The following RAPGEF5 variants were observed in gnomAD, a reference collection of about 807,000 sequenced individuals.
The protein encoded by RAPGEF5 is M-Ras-regulated GEF.
Under a neutral mutation model 125.2 loss-of-function variants are expected in RAPGEF5, and 65 were observed. The observed-to-expected ratio is 0.52, with a 90% CI of 0.43 to 0.64. The LOEUF (loss-of-function observed/expected upper bound fraction) is 0.64. RAPGEF5 is among the 30% of genes least tolerant of loss of function. The pLI, the probability that RAPGEF5 is intolerant of heterozygous loss-of-function variation, is 0.00. For synonymous variants in RAPGEF5, 391 were observed against 385.9 expected (o/e 1.01, Z -0.16); for missense variants, 958 against 1,048.1 (o/e 0.91, Z 1.19).
chr7:22,211,137 G>A (rs536823925), intron 9 of RAPGEF5, among the ~76,000 whole-genome samples: 1 of 152,182 alleles, frequency 6.6e-6, no homozygotes, highest in East Asian at 1.9e-4. Flanking sequence ...ACAACATTTA[G>A]GACTGCTGGA....
chr7:22,338,798 A>G (rs1784072076), intron 1 of RAPGEF5, among the ~76,000 whole-genome samples: 1 of 152,246 alleles, frequency 6.6e-6, no homozygotes, highest in Admixed American at 6.5e-5. Context: ...ACATACACAC[A>G]GAGCTGCTGT....
chr7:22,160,561 C>G lies in RAPGEF5; in HGVS notation c.1483G>C (p.Glu495Gln). ...AGTATCTTTTGAAATTCTTTCAATT[C>G]TTTTTCAAGTATTGGATATTCATAA... ...DVYEYPILEKELKEFQKILGM... is the reference protein window; with the variant it reads ...DVYEYPILEKQLKEFQKILGM... The change falls in exon 14 of 26, where the codon GAA (glutamate) becomes CAA (glutamine). Residue 495 changes from glutamate (E) to glutamine (Q), a missense_variant. Coordinates refer to ENST00000665637, the MANE Select transcript of RAPGEF5 (RefSeq NM_012294.5). The G allele has an allele frequency of 6.5e-7, 1 of 1,548,492 alleles. No homozygotes were observed. Among genetic ancestry groups the G allele is most frequent in the Non-Finnish European group, 8.7e-7 (1 of 1,146,500 alleles).
intron 1 of RAPGEF5, among the ~76,000 whole-genome samples, chr7:22,336,951 A>C (rs139400331): frequency 8.3e-4 from 127 of 152,332 alleles, no homozygotes; most frequent in Middle Eastern, 3.4e-3. Flanking sequence ...GGATATCTTG[A>C]GAAAGGGCTT....
At chr7:22,132,831 C>T (rs960869574) in intron 23 of RAPGEF5, among the ~76,000 whole-genome samples, 6 of 152,146 alleles carry the variant, frequency 3.9e-5, no homozygotes, top group African/African-American at 1.4e-4. Context: ...TGCATTAACT[C>T]ATAAGGTAAA....
intron 3 of RAPGEF5, among the ~76,000 whole-genome samples, chr7:22,314,882 T>C (rs1335749459): frequency 6.6e-6 from 1 of 152,142 alleles, no homozygotes; most frequent in Non-Finnish European, 1.5e-5. Flanking sequence ...TACTCTCATA[T>C]CTCTGTCAAG....
chr7:22,248,695 G>A (rs1182067725), intron 7 of RAPGEF5, among the ~76,000 whole-genome samples: 1 of 152,184 alleles, frequency 6.6e-6, no homozygotes, highest in African/African-American at 2.4e-5. Context: ...ATAAACGCGT[G>A]TCTGCTCTGT....
At chr7:22,210,212 C>A (rs1785478305) in intron 9 of RAPGEF5, among the ~76,000 whole-genome samples, 1 of 152,146 alleles carries the variant, frequency 6.6e-6, no homozygotes, top group South Asian at 2.1e-4. Context: ...TTTGTAATAA[C>A]AATAAGTTGA....
chr7:22,344,757 CT>C (rs1187974528), intron 1 of RAPGEF5, among the ~76,000 whole-genome samples: 1 of 152,246 alleles, frequency 6.6e-6, no homozygotes, highest in Non-Finnish European at 1.5e-5. Context: ...ATCCTCCCCA[CT>C]TTTTTCTTTT....
chr7:22,122,620 G>A, intron 25 of RAPGEF5, 99 bp from the exon 26 acceptor site: 2 of 840,248 alleles, frequency 2.4e-6, no homozygotes, highest in Admixed American at 4.1e-5. Context: ...AAATGTACTA[G>A]GTGGGTTCTC....
intron 17 of RAPGEF5, among the ~76,000 whole-genome samples, chr7:22,154,112 T>G (rs961192223): frequency 6.6e-6 from 1 of 152,234 alleles, no homozygotes; most frequent in Non-Finnish European, 1.5e-5. Flanking sequence ...TTCCTTTTTT[T>G]TTTCCACCCC....
chr7:22,175,331 A>T (rs1784470776), intron 11 of RAPGEF5, among the ~76,000 whole-genome samples: 1 of 152,158 alleles, frequency 6.6e-6, no homozygotes, highest in Non-Finnish European at 1.5e-5. Flanking sequence ...AAAGGAACGA[A>T]GGATATTCTG....
Position 22,136,997 on chromosome 7 carries a change from A to G in RAPGEF5, c.2278-14T>C. On this transcript the variant is annotated splice_polypyrimidine_tract_variant and intron_variant, in intron 21 of 25. Coordinates refer to ENST00000665637, the MANE Select transcript of RAPGEF5 (RefSeq NM_012294.5). The stretch of plus-strand genomic sequence containing the variant: ...CCCAGGGATTTTCTAAAAAACAAAC[A>G]CAAACAAAAAACAGAAGGTCACAGA... 1 of 1,557,530 alleles carries G rather than the reference A, an allele frequency of 6.4e-7. No homozygotes were observed.
intron 1 of RAPGEF5, among the ~76,000 whole-genome samples, chr7:22,319,226 C>T (rs559186143): frequency 1.3e-4 from 20 of 152,270 alleles, no homozygotes; most frequent in African/African-American, 3.6e-4. Context: ...CATCTCTATT[C>T]TAAGTCTTGC....
chr7:22,137,464 A>C (rs1314409333), intron 21 of RAPGEF5, among the ~76,000 whole-genome samples: 1 of 152,216 alleles, frequency 6.6e-6, no homozygotes, highest in East Asian at 1.9e-4. Flanking sequence ...GGAATCAATG[A>C]ATTGAAGAGC....
intron 11 of RAPGEF5, among the ~76,000 whole-genome samples, chr7:22,189,328 TC>T (rs1784919895): frequency 6.6e-6 from 1 of 152,076 alleles, no homozygotes; most frequent in African/African-American, 2.4e-5. Flanking sequence ...TCCACAGTTT[TC>T]CCCCTGCTTT....
intron 1 of RAPGEF5, among the ~76,000 whole-genome samples, chr7:22,318,282 C>T (rs1178848227): frequency 5.9e-5 from 9 of 152,096 alleles, no homozygotes; most frequent in Non-Finnish European, 1.3e-4. Flanking sequence ...AAGAGAAGTA[C>T]AGTAGAAAGA....
At chr7:22,215,396 T>A (rs953228576) in intron 9 of RAPGEF5, among the ~76,000 whole-genome samples, 5 of 152,230 alleles carry the variant, frequency 3.3e-5, no homozygotes, top group Admixed American at 6.5e-5. Context: ...TATGAAAGAA[T>A]CCTGCTTTCT....
At chr7:22,219,788 C>T in intron 9 of RAPGEF5, 78 bp downstream of exon 9, 1 of 1,474,178 alleles carries the variant, frequency 6.8e-7, no homozygotes. Flanking sequence ...ATAAAATAGT[C>T]TTTCGTTCAA....
chr7:22,244,285 T>C (rs1478609865), intron 7 of RAPGEF5, among the ~76,000 whole-genome samples: 1 of 152,110 alleles, frequency 6.6e-6, no homozygotes, highest in Non-Finnish European at 1.5e-5. Context: ...ATCTCAGCAA[T>C]TGTGAATACC....
Sources: allele counts gnomAD v4.1 joint callset (sites outside exome capture counted in the v4.1 genomes callset), GRCh38; gene constraint gnomAD v4.1.1; transcripts MANE v1.5; gene names NCBI Gene and HGNC (gene_info 2026-07-23, HGNC 2026-07-21).